ALK: variants seen among roughly 807,000 people sequenced by gnomAD.
The protein encoded by ALK is ALK receptor tyrosine kinase.
In ALK, 74 loss-of-function variants were observed where a neutral mutation model predicts 163.1. The observed-to-expected ratio is 0.45, with a 90% CI of 0.38 to 0.55. ALK has a LOEUF of 0.55. Among genes scored for constraint, ALK ranks in the 20% least tolerant of loss-of-function variants. ALK has a pLI of 0.00. For missense variants in ALK, 2,063 were observed against 2,105.3 expected (o/e 0.98, Z 0.39); for synonymous variants, 960 against 843.2 (o/e 1.14, Z -2.40).
At chr2:29,335,372 T>G (rs1348445719) in intron 5 of ALK, among the ~76,000 whole-genome samples, 1 of 152,218 alleles carries the variant, frequency 6.6e-6, no homozygotes, top group East Asian at 1.9e-4. Context: ...TGTGTTTTCT[T>G]TACCCTTCGT....
At chr2:29,499,207 C>CT (rs973570420) in intron 4 of ALK, among the ~76,000 whole-genome samples, 11 of 150,770 alleles carry the variant, frequency 7.3e-5, no homozygotes, top group Middle Eastern at 3.4e-3. Context: ...CCAGGGTCTC[C>CT]TTTTTTTTTG....
chr2:29,505,259 C>T (rs1672287100), intron 4 of ALK, among the ~76,000 whole-genome samples: 1 of 152,092 alleles, frequency 6.6e-6, no homozygotes, highest in African/African-American at 2.4e-5. Context: ...GCCACACAGC[C>T]CCCAGCATGC....
intron 12 of ALK, among the ~76,000 whole-genome samples, chr2:29,247,112 C>G (rs995680868): frequency 2.0e-5 from 3 of 152,124 alleles, no homozygotes; most frequent in Non-Finnish European, 4.4e-5. Context: ...GAGTGCAGCG[C>G]CTTTCCCCCG....
chr2:29,664,902 G>A (rs1330054786), intron 3 of ALK, among the ~76,000 whole-genome samples: 1 of 152,054 alleles, frequency 6.6e-6, no homozygotes, highest in Non-Finnish European at 1.5e-5. Context: ...CTGCCCACCA[G>A]TCTATCCTCT....
At chr2:29,919,691 A>G (rs554170890) in intron 1 of ALK, among the ~76,000 whole-genome samples, 15 of 152,290 alleles carry the variant, frequency 9.8e-5, no homozygotes, top group African/African-American at 3.6e-4. Context: ...GGGCCCAGGA[A>G]GAGGGGCGCC....
At chr2:29,535,577 T>G (rs1189933796) in intron 3 of ALK, among the ~76,000 whole-genome samples, 2 of 152,238 alleles carry the variant, frequency 1.3e-5, no homozygotes, top group African/African-American at 2.4e-5. Context: ...TAGGCAGTAC[T>G]GTGCCTGCTC....
chr2:29,609,323 A>C (rs1573496277), intron 3 of ALK, among the ~76,000 whole-genome samples: 1 of 151,990 alleles, frequency 6.6e-6, no homozygotes, highest in Non-Finnish European at 1.5e-5. Flanking sequence ...GCCCATTCCA[A>C]AGTGTTGCAA....
At chr2:29,374,941 T>C (rs1668719141) in intron 5 of ALK, among the ~76,000 whole-genome samples, 1 of 152,124 alleles carries the variant, frequency 6.6e-6, no homozygotes, top group South Asian at 2.1e-4. Flanking sequence ...TTCCAAGCAA[T>C]AGAGCTCACC....
At chr2:29,767,408 T>G (rs1361135741) in intron 1 of ALK, among the ~76,000 whole-genome samples, 5 of 152,192 alleles carry the variant, frequency 3.3e-5, no homozygotes, top group Non-Finnish European at 7.3e-5. Flanking sequence ...CCCAGGACCG[T>G]TGTGATTTTA....
chr2:29,217,153 GTA>G (rs1229887515), intron 23 of ALK, among the ~76,000 whole-genome samples: 51 of 149,850 alleles, frequency 3.4e-4, no homozygotes, highest in Non-Finnish European at 6.7e-4. Flanking sequence ...TGTGTGTAGT[GTA>G]TGTGTTGTGT....
At chr2:29,725,216 A>C (rs1199862843) in intron 1 of ALK, among the ~76,000 whole-genome samples, 1 of 149,398 alleles carries the variant, frequency 6.7e-6, no homozygotes, top group Non-Finnish European at 1.5e-5. Flanking sequence ...AAGCGTGTAA[A>C]TCTGGAGCCC....
intron 1 of ALK, among the ~76,000 whole-genome samples, chr2:29,880,687 G>A (rs188921000): frequency 1.6e-3 from 240 of 152,296 alleles, no homozygotes; most frequent in African/African-American, 5.4e-3. Flanking sequence ...CAATATCTAT[G>A]TGCTTGGTTA....
chr2:29,679,802 G>T (rs1433276298), intron 3 of ALK, among the ~76,000 whole-genome samples: 1 of 151,768 alleles, frequency 6.6e-6, no homozygotes, highest in Admixed American at 6.6e-5. Flanking sequence ...ATTTCTCCCC[G>T]TGGATTCAAG....
chr2:29,722,661 C>T (rs953736369), intron 1 of ALK, among the ~76,000 whole-genome samples: 1 of 152,184 alleles, frequency 6.6e-6, no homozygotes, highest in African/African-American at 2.4e-5. Flanking sequence ...TTTCATGGCT[C>T]TAAATATCAT....
chr2:29,817,966 C>T (rs72856203), intron 1 of ALK, among the ~76,000 whole-genome samples: 17,016 of 152,138 alleles, frequency 0.11, 2,884 homozygotes, highest in African/African-American at 0.37. Flanking sequence ...GCGCTTATGG[C>T]CAGTCCTCAT....
At chr2:29,834,425 G>C (rs981298816) in intron 1 of ALK, among the ~76,000 whole-genome samples, 1 of 152,174 alleles carries the variant, frequency 6.6e-6, no homozygotes, top group African/African-American at 2.4e-5. Context: ...TGACAGAGCT[G>C]GAGGCAGAAA....
intron 4 of ALK, among the ~76,000 whole-genome samples, chr2:29,396,665 A>G (rs1669311365): frequency 6.6e-6 from 1 of 151,728 alleles, no homozygotes; most frequent in East Asian, 1.9e-4. Flanking sequence ...ACAGAGCGAG[A>G]CTCCATCTCA....
Position 29,227,478 on chromosome 2 carries a change from T to C in ALK, c.2914+96A>G. The stretch of plus-strand genomic sequence containing the variant: ...CCTGCCAGGGACCCATAATTGTGCC[T>C]CTGTATCCTGGATACAGGTCAGAGA... On this transcript the variant is annotated intron_variant, in intron 17 of 28. Transcript: ENST00000389048. The surrounding 1 kb of genome is among the most constrained non-coding windows in gnomAD (Gnocchi z 4.4). 1 of 1,099,378 alleles carries C rather than the reference T, an allele frequency of 9.1e-7. No individual in the cohort carries two copies. Among genetic ancestry groups the C allele is most frequent in the Non-Finnish European group, 1.4e-6 (1 of 710,592 alleles). The allele number at this position is 1,099,378 out of a possible 1,614,324, so 68.1% of individuals were successfully genotyped here.
intron 1 of ALK, among the ~76,000 whole-genome samples, chr2:29,848,864 G>A (rs536746677): frequency 6.6e-6 from 1 of 152,274 alleles, no homozygotes; most frequent in East Asian, 1.9e-4. Flanking sequence ...GCGGCCACGA[G>A]GGACCCCAAC....
Sources: allele counts gnomAD v4.1 joint callset (sites outside exome capture counted in the v4.1 genomes callset), GRCh38; gene constraint gnomAD v4.1.1; non-coding constraint Gnocchi (gnomAD v3.1); transcripts MANE v1.5; gene names NCBI Gene and HGNC (gene_info 2026-07-23, HGNC 2026-07-21).